LAMB4: variants seen among roughly 807,000 people sequenced by gnomAD.
LAMB4 encodes laminin subunit beta-4.
In LAMB4, 196 loss-of-function variants were observed where a neutral mutation model predicts 199.2. The observed-to-expected ratio is 0.98, with a 90% CI of 0.88 to 1.11. LAMB4 has a LOEUF of 1.11. LAMB4 is among the 50% of genes least tolerant of loss of function. The pLI is 0.00. For synonymous variants in LAMB4, 744 were observed against 770.6 expected, an observed-to-expected ratio of 0.97 and a Z score of 0.57; for missense variants, 2,080 against 2,171.2, an observed-to-expected ratio of 0.96 and a Z score of 0.83.
Position 108,103,046 on chromosome 7 carries a change from A to G in LAMB4, c.1178T>C (p.Ile393Thr). 1 of 1,576,862 alleles carries G rather than the reference A, an allele frequency of 6.3e-7. No individual in the cohort carries two copies. The highest frequency in any genetic ancestry group is 8.7e-7 in the Non-Finnish European group (1 of 1,152,862). ...TCCAGGCAGACCCGGGGACTCACGA[A>G]TGCACGCGTAGGGATCTGAGATGGT... The part of the protein sequence containing the change: ...LKTISDPYAC[I>T]PCECDPDGTI... The change falls in exon 10 of 34, where the codon ATT becomes ACT. Residue 393 changes from isoleucine (I) to threonine (T), a missense_variant and splice_region_variant. Transcript: ENST00000388781.
At chr7:108,087,834 A>T (rs779387487) in intron 14 of LAMB4, among the ~76,000 whole-genome samples, 9 of 152,242 alleles carry the variant, frequency 5.9e-5, no homozygotes, top group Non-Finnish European at 1.3e-4. Context: ...TTTTGCAAAG[A>T]AATAAAGCTA....
intron 11 of LAMB4, among the ~76,000 whole-genome samples, chr7:108,096,356 A>G (rs929872850): frequency 3.3e-5 from 5 of 152,234 alleles, no homozygotes; most frequent in Non-Finnish European, 1.5e-5. Context: ...TTAAGGAAGA[A>G]TAAGATTCCA....
intron 3 of LAMB4, 57 bp from the exon 4 acceptor site, chr7:108,112,003 C>A: frequency 1.4e-6 from 2 of 1,440,916 alleles, no homozygotes; most frequent in Non-Finnish European, 1.9e-6. Context: ...TATTGTTGGG[C>A]TAAATTAAAG....
intron 26 of LAMB4, among the ~76,000 whole-genome samples, chr7:108,051,399 T>C (rs1372471823): frequency 6.6e-6 from 1 of 152,232 alleles, no homozygotes; most frequent in African/African-American, 2.4e-5. Flanking sequence ...TTCATGTATA[T>C]TTTCCATCTG....
At chr7:108,083,075 G>C (rs2037019343) in intron 14 of LAMB4, among the ~76,000 whole-genome samples, 1 of 152,240 alleles carries the variant, frequency 6.6e-6, no homozygotes, top group South Asian at 2.1e-4. Flanking sequence ...TACTTTTAAG[G>C]AAAAAGGAAC....
At chr7:108,110,996 T>C (rs1433167147) in intron 4 of LAMB4, among the ~76,000 whole-genome samples, 1 of 152,180 alleles carries the variant, frequency 6.6e-6, no homozygotes, top group African/African-American at 2.4e-5. Context: ...TTCAGGAGTT[T>C]GTAGAGAATA....
rs763286867 is a variant in LAMB4 at position 108,104,481 on chromosome 7, G to C, written c.991+18C>G. The C allele has an allele frequency of 6.2e-7, 1 of 1,613,722 alleles. No individual in the cohort carries two copies. Among genetic ancestry groups the C allele is most frequent in the African/African-American group, 1.3e-5 (1 of 74,910 alleles). ...GCAGAGCACACTCAGTCTATGCAGGGAACTGAGTTTCACCCACATCTGCAA... is the reference window on the plus strand; with the variant it reads ...GCAGAGCACACTCAGTCTATGCAGGCAACTGAGTTTCACCCACATCTGCAA... On this transcript the variant is annotated intron_variant, in intron 9 of 33. Coordinates refer to ENST00000388781, the MANE Select transcript of LAMB4 (RefSeq NM_007356.3).
At chr7:108,107,978 T>C (rs2038085188) in intron 5 of LAMB4, among the ~76,000 whole-genome samples, 159 bp from the exon 6 acceptor site, 1 of 152,238 alleles carries the variant, frequency 6.6e-6, no homozygotes, top group Non-Finnish European at 1.5e-5. Flanking sequence ...TCTCACTCTG[T>C]CGCCCAGGCT....
intron 2 of LAMB4, among the ~76,000 whole-genome samples, chr7:108,119,878 A>T (rs1046598071): frequency 2.0e-5 from 3 of 152,184 alleles, no homozygotes; most frequent in Non-Finnish European, 2.9e-5. Flanking sequence ...AATTGGGTGA[A>T]GGGGTATATG....
chr7:108,072,002 G>T (rs1200429240), intron 17 of LAMB4, among the ~76,000 whole-genome samples: 1 of 151,954 alleles, frequency 6.6e-6, no homozygotes, highest in African/African-American at 2.4e-5. Context: ...CCTCAATATG[G>T]GAGGTACTGC....
At chr7:108,092,826 C>T (rs1204041226) in intron 12 of LAMB4, among the ~76,000 whole-genome samples, 12 of 152,078 alleles carry the variant, frequency 7.9e-5, no homozygotes, top group East Asian at 3.9e-4. Context: ...ATCGTTTGAA[C>T]GTGGGAGGTG....
At chr7:108,064,296 C>T (rs1327458345) in intron 21 of LAMB4, among the ~76,000 whole-genome samples, 13 of 152,146 alleles carry the variant, frequency 8.5e-5, no homozygotes, top group Admixed American at 6.5e-4. Flanking sequence ...ATCACACTAG[C>T]GTGCCCCAGG....
chr7:108,044,213 A>G (rs1174531325), intron 28 of LAMB4: 1 of 200,748 alleles, frequency 5.0e-6, no homozygotes, highest in African/African-American at 2.3e-5. Flanking sequence ...AATACCAACA[A>G]CTTTCCCATA....
At chr7:108,081,529 GC>G (rs2036941889) in intron 14 of LAMB4, among the ~76,000 whole-genome samples, 1 of 152,228 alleles carries the variant, frequency 6.6e-6, no homozygotes, top group Admixed American at 6.5e-5. Context: ...TAAATCACTT[GC>G]AGTTGAATCC....
chr7:108,092,335 A>G lies in LAMB4; in HGVS notation c.1550+2T>C, dbSNP rs755503913. On this transcript the variant is annotated splice_donor_variant, in intron 13 of 33. Coordinates refer to ENST00000388781, the MANE Select transcript of LAMB4 (RefSeq NM_007356.3). LOFTEE classifies it high-confidence loss of function. ...TATTGCTATAAAACTTATTTGACTTACACGTTAGAATAAGCACCTCCAATA... is the reference window on the plus strand; with the variant it reads ...TATTGCTATAAAACTTATTTGACTTGCACGTTAGAATAAGCACCTCCAATA... The G allele has an allele frequency of 2.5e-6, 4 of 1,609,038 alleles. No individual in the cohort carries two copies. Among genetic ancestry groups the G allele is most frequent in the Non-Finnish European group, 3.4e-6 (4 of 1,175,396 alleles).
chr7:108,075,846 G>T, intron 17 of LAMB4: 1 of 159,946 alleles, frequency 6.3e-6, no homozygotes, highest in Non-Finnish European at 1.4e-5. Context: ...TGTAATCCCA[G>T]CTACTCGGGA....
At chr7:108,081,477 CCTTCACTCT>C (rs1374483081) in intron 14 of LAMB4, among the ~76,000 whole-genome samples, 2 of 152,232 alleles carry the variant, frequency 1.3e-5, no homozygotes, top group African/African-American at 4.8e-5. Flanking sequence ...TATCTTTTCT[CCTTCACTCT>C]CTTAAGAGTA....
the LAMB4 span, among the ~76,000 whole-genome samples, chr7:108,011,876 C>CATAT: frequency 0.022 from 3,257 of 149,998 alleles, 146 homozygotes; most frequent in African/African-American, 0.074. Flanking sequence ...AAAATATAAA[C>CATAT]ATATATATAT....
At chr7:108,089,474 A>G (rs2037316450) in intron 14 of LAMB4, among the ~76,000 whole-genome samples, 1 of 152,136 alleles carries the variant, frequency 6.6e-6, no homozygotes, top group African/African-American at 2.4e-5. Flanking sequence ...TGGCTTAGAA[A>G]TCCTAATATA....
Sources: gnomAD v4.1 joint callset for allele counts (sites outside exome capture counted in the v4.1 genomes callset) on GRCh38, gnomAD v4.1.1 for gene constraint, MANE v1.5 for transcripts, NCBI Gene and HGNC (gene_info 2026-07-23, HGNC 2026-07-21) for gene names.